CHST11: variants seen among roughly 807,000 people sequenced by gnomAD.
CHST11 encodes the protein carbohydrate sulfotransferase 11.
A neutral mutation model predicts 30.4 loss-of-function variants in CHST11; 9 were observed. The ratio of observed to expected loss-of-function variants is 0.30; its 90% confidence interval spans 0.18 to 0.52. The LOEUF (loss-of-function observed/expected upper bound fraction) is 0.52, where lower values mean the gene tolerates loss of function less well. CHST11 is among the 20% of genes least tolerant of loss of function. The pLI is 0.97. For synonymous variants in CHST11, 152 were observed against 187.8 expected, an observed-to-expected ratio of 0.81 and a Z score of 1.56; for missense variants, 348 against 460.6, an observed-to-expected ratio of 0.76 and a Z score of 2.24.
chr12:104,710,533 C>T (rs368247329), intron 2 of CHST11, among the ~76,000 whole-genome samples: 7 of 152,250 alleles, frequency 4.6e-5, no homozygotes, highest in South Asian at 2.1e-4. Flanking sequence ...CCTGGACAGG[C>T]CCAAGCATGA....
chr12:104,746,708 G>A (rs1056835875), intron 2 of CHST11, among the ~76,000 whole-genome samples: 5 of 152,196 alleles, frequency 3.3e-5, no homozygotes, highest in East Asian at 1.9e-4. Context: ...CCCTGACAAC[G>A]TTAATGTCAG....
chr12:104,511,852 A>G lies in CHST11; in HGVS notation c.118+54323A>G, dbSNP rs367842823. ...TAACCACAGTCATCTCTGGGTATCC[A>G]TGGGGGATTGGTTCCAGGACCCCTC... On this transcript the variant is annotated intron_variant, in intron 1 of 2. Transcript: ENST00000303694. Among the ~76,000 whole-genome samples the G allele has an allele frequency of 8.8e-4, 134 of 152,324 alleles. 1 individual carries two copies. Among genetic ancestry groups the G allele is most frequent in the African/African-American group, 3.0e-3 (124 of 41,582 alleles).
chr12:104,457,418 C>A lies in CHST11; in HGVS notation c.7C>A (p.Pro3Thr). The change falls in exon 1 of 3, where the codon CCA (proline) becomes ACA (threonine). Residue 3 changes from proline to threonine, a missense_variant. Physicochemically the swap from Pro to Thr is conservative, Grantham distance 38 (BLOSUM62 -1). Coordinates refer to ENST00000303694, the MANE Select transcript of CHST11 (RefSeq NM_018413.6). ...CCGCAGCCAGGACAAAGCCATGAAG[C>A]CAGCGCTGCTGGAAGTGATGAGGAT... MK[P>T]ALLEVMRMNR... 1 of 1,613,318 alleles carries A rather than the reference C, an allele frequency of 6.2e-7. No homozygotes were observed. Among genetic ancestry groups the A allele is most frequent in the South Asian group, 1.1e-5 (1 of 91,062 alleles).
chr12:104,723,338 A>G (rs1161208959), intron 2 of CHST11, among the ~76,000 whole-genome samples: 2 of 152,082 alleles, frequency 1.3e-5, no homozygotes, highest in Admixed American at 6.5e-5. Context: ...CACACACAAC[A>G]TAGTCAGGAC....
At position 104,729,393 on chromosome 12, in the gene CHST11, T is replaced by C. The variant is rs551087442; in HGVS notation, c.205-27556T>C. On this transcript the variant is annotated intron_variant, in intron 2 of 2. Transcript: ENST00000303694. This position sits in a 1 kb window ranked among gnomAD's most constrained non-coding sequence, Gnocchi z 4.0. ...TGTGTAGAGGATGATTGTGAGCCAG[T>C]CATTAAGTACTGAGGATTCAAGCAG... 3.8e-4 allele frequency among the ~76,000 whole-genome samples: 58 copies of C among 152,280 alleles called. No individual in the cohort carries two copies. The highest frequency in any genetic ancestry group is 1.4e-3 in the African/African-American group (57 of 41,556).
intron 1 of CHST11, among the ~76,000 whole-genome samples, chr12:104,472,141 C>CTTT (rs554866671): frequency 2.2e-5 from 3 of 139,430 alleles, no homozygotes; most frequent in African/African-American, 5.2e-5. Context: ...TTTTTTTTTT[C>CTTT]TTTTTTTTTT....
At chr12:104,513,123 T>TGGTGC (rs1555229062) in intron 1 of CHST11, among the ~76,000 whole-genome samples, 1 of 3,384 alleles carries the variant, frequency 3.0e-4, no homozygotes, top group African/African-American at 1.5e-3. Flanking sequence ...ATGTCATGAC[T>TGGTGC]GGGGGGGGGG....
At chr12:104,550,355 CT>C (rs1480948496) in intron 1 of CHST11, among the ~76,000 whole-genome samples, 1 of 152,186 alleles carries the variant, frequency 6.6e-6, no homozygotes, top group Non-Finnish European at 1.5e-5. Flanking sequence ...TGATCTTTCT[CT>C]GAGCAGAATG....
At chr12:104,692,034 T>C (rs2039901291) in intron 2 of CHST11, among the ~76,000 whole-genome samples, 1 of 152,256 alleles carries the variant, frequency 6.6e-6, no homozygotes, top group African/African-American at 2.4e-5. Context: ...GTCTCCTTGT[T>C]TTGACTTTAT....
intron 1 of CHST11, among the ~76,000 whole-genome samples, chr12:104,573,532 A>G (rs1018791528): frequency 2.6e-5 from 4 of 152,246 alleles, no homozygotes; most frequent in Admixed American, 6.5e-5. Flanking sequence ...ATGGAACAGA[A>G]CAGAGCCCTC....
At chr12:104,510,812 G>GTT (rs143657661) in intron 1 of CHST11, among the ~76,000 whole-genome samples, 81 of 150,984 alleles carry the variant, frequency 5.4e-4, no homozygotes, top group African/African-American at 1.4e-3. Context: ...TGAGTTTCTT[G>GTT]TTTTTTCTTT....
chr12:104,639,235 TA>T (rs1566018548), intron 2 of CHST11, among the ~76,000 whole-genome samples: 2 of 152,304 alleles, frequency 1.3e-5, no homozygotes, highest in East Asian at 1.9e-4. Context: ...GTTTGAAGTA[TA>T]ATAAGACATA....
Position 104,757,871 on chromosome 12 carries a change from T to C in CHST11, c.*68T>C. On this transcript the variant is annotated 3_prime_UTR_variant, in exon 3 of 3. Transcript: ENST00000303694. The surrounding 1 kb of genome is among the most constrained non-coding windows in gnomAD (Gnocchi z 6.5). ...ATTTTTATTTGTCAAAAGAATTATA[T>C]GGATATTGGGTTATTTTGTAAATTA... 7.1e-7 allele frequency: 1 copy of C among 1,415,934 alleles called. No individual in the cohort carries two copies. The highest frequency in any genetic ancestry group is 9.6e-7 in the Non-Finnish European group (1 of 1,040,920). The allele number at this position is 1,415,934 out of a possible 1,614,324, so 87.7% of individuals were successfully genotyped here.
intron 2 of CHST11, among the ~76,000 whole-genome samples, chr12:104,639,404 A>G (rs983019823): frequency 3.3e-5 from 5 of 152,244 alleles, no homozygotes; most frequent in African/African-American, 9.6e-5. Flanking sequence ...TGGTATATCC[A>G]TACAATTGAT....
intron 2 of CHST11, among the ~76,000 whole-genome samples, chr12:104,731,350 A>G (rs532614134): frequency 6.6e-6 from 1 of 152,288 alleles, no homozygotes; most frequent in South Asian, 2.1e-4. Flanking sequence ...AAAGAAGTAC[A>G]CCAAAGAGAT....
chr12:104,709,653 A>G (rs1350884382), intron 2 of CHST11, among the ~76,000 whole-genome samples: 1 of 152,162 alleles, frequency 6.6e-6, no homozygotes, highest in Non-Finnish European at 1.5e-5. Flanking sequence ...CGGTTCTTTC[A>G]TTAAGAAGCC....
At chr12:104,736,306 G>T (rs2040300692) in intron 2 of CHST11, among the ~76,000 whole-genome samples, 1 of 152,182 alleles carries the variant, frequency 6.6e-6, no homozygotes. Flanking sequence ...TCAGTGGAAG[G>T]AAAGGAAAGG....
intron 2 of CHST11, among the ~76,000 whole-genome samples, chr12:104,615,320 A>G (rs917466382): frequency 9.2e-5 from 14 of 152,324 alleles, no homozygotes; most frequent in Middle Eastern, 3.4e-3. Context: ...TGTCTCCAGC[A>G]TGTTTCTCAC....
intron 1 of CHST11, among the ~76,000 whole-genome samples, chr12:104,483,086 A>G (rs1237390479): frequency 1.3e-5 from 2 of 152,138 alleles, no homozygotes; most frequent in Non-Finnish European, 1.5e-5. Context: ...CTGGTGCAAT[A>G]TCTCCAAAAC....
Sources: allele counts gnomAD v4.1 joint callset (sites outside exome capture counted in the v4.1 genomes callset), GRCh38; gene constraint gnomAD v4.1.1; non-coding constraint Gnocchi (gnomAD v3.1); transcripts MANE v1.5; gene names NCBI Gene and HGNC (gene_info 2026-07-23, HGNC 2026-07-21).